Variants in BMPR1A observed in about 807,000 individuals in gnomAD.
The protein encoded by BMPR1A is bone morphogenetic protein receptor type-1A.
Under a neutral mutation model 66.0 loss-of-function variants are expected in BMPR1A, and 7 were observed. The observed-to-expected ratio is 0.11, with a 90% confidence interval of 0.06 to 0.20. BMPR1A has a LOEUF of 0.20. BMPR1A is among the 10% of genes least tolerant of loss of function. The pLI, the probability that BMPR1A is intolerant of heterozygous loss-of-function variation, is 1.00. For missense variants in BMPR1A, 408 were observed against 669.1 expected (o/e 0.61, Z 4.31); for synonymous variants, 200 against 229.7 (o/e 0.87, Z 1.17).
chr10:86,906,751 A>AAAAAAAAAAAAAAAAAAAAAC (rs1843397932), intron 7 of BMPR1A, among the ~76,000 whole-genome samples: 2 of 140,154 alleles, frequency 1.4e-5, no homozygotes. Context: ...AAAAAAAAAA[A>AAAAAAAAAAAAAAAAAAAAAC]AAAAAAAAAA....
rs1564685584 is a variant in BMPR1A, at chr10:86,790,215, AT to A, written c.-268+33297del. The stretch of plus-strand genomic sequence containing the variant: ...TATATATATATATATATATATATAT[AT>A]ATATATATATATATATATATCAAAA... On this transcript the variant is annotated intron_variant, in intron 1 of 12. Coordinates refer to ENST00000372037, the MANE Select transcript of BMPR1A (RefSeq NM_004329.3). Among the ~76,000 whole-genome samples the A allele has an allele frequency of 1.2e-3, 121 of 99,100 alleles. 30 individuals are homozygous for A. Among genetic ancestry groups the A allele is most frequent in the South Asian group, 5.7e-3 (15 of 2,654 alleles). 65.0% of individuals were successfully genotyped at this position (99,100 alleles called of 152,430 possible).
intron 2 of BMPR1A, among the ~76,000 whole-genome samples, chr10:86,852,899 T>G (rs1016661338): frequency 2.2e-4 from 34 of 152,184 alleles, no homozygotes; most frequent in Admixed American, 4.6e-4. Context: ...CTCTAGCTAA[T>G]AAATGTGATA....
intron 1 of BMPR1A, among the ~76,000 whole-genome samples, chr10:86,797,084 T>TTTTTTTTTTA: frequency 7.4e-6 from 1 of 135,002 alleles, no homozygotes; most frequent in South Asian, 2.2e-4. Flanking sequence ...TTTTTTTTTT[T>TTTTTTTTTTA]GAGACAGTCT....
At chr10:86,897,304 A>C (rs1028561885) in intron 5 of BMPR1A, among the ~76,000 whole-genome samples, 1 of 152,200 alleles carries the variant, frequency 6.6e-6, no homozygotes, top group South Asian at 2.1e-4. Context: ...GTACGGGTGG[A>C]GAGTGCAGGA....
At chr10:86,760,244 C>CCTTTTTTTTTTTTTTTTTTTTTTTTTT (rs1841026307) in intron 1 of BMPR1A, among the ~76,000 whole-genome samples, 2 of 27,826 alleles carry the variant, frequency 7.2e-5, no homozygotes, top group African/African-American at 2.6e-4. Context: ...TTCTTTCTTT[C>CCTTTTTTTTTTTTTTTTTTTTTTTTTT]TTTCTTTTTT....
intron 3 of BMPR1A, among the ~76,000 whole-genome samples, chr10:86,888,826 CAAAAA>C (rs11353145): frequency 2.3e-5 from 2 of 85,486 alleles, no homozygotes; most frequent in African/African-American, 7.2e-5. Context: ...GACCATGTCT[CAAAAA>C]AAAAAAAAAA....
chr10:86,920,140 T>A (rs1438412026), intron 10 of BMPR1A, among the ~76,000 whole-genome samples: 1 of 152,250 alleles, frequency 6.6e-6, no homozygotes, highest in East Asian at 1.9e-4. Context: ...AAAGGTTTTT[T>A]AATGAACATT....
At chr10:86,846,872 T>G (rs1199104606) in intron 2 of BMPR1A, among the ~76,000 whole-genome samples, 8 of 152,210 alleles carry the variant, frequency 5.3e-5, no homozygotes, top group Non-Finnish European at 1.0e-4. Context: ...CCATTCAGAC[T>G]GTCTCCTCTT....
chr10:86,887,095 A>G (rs1458203739), intron 3 of BMPR1A, among the ~76,000 whole-genome samples: 3 of 151,998 alleles, frequency 2.0e-5, no homozygotes, highest in African/African-American at 7.3e-5. Flanking sequence ...GGCCTCCCAA[A>G]GTGCTGGGAT....
rs1463894861 is a variant in BMPR1A at position 86,926,710 on chromosome 10, A to G, written c.*2991A>G. ...GTAAATTCGTAAAACCTTGGAAGCCATTATTTGGTCCCACTTGCAATTTAG... is the reference window on the plus strand; with the variant it reads ...GTAAATTCGTAAAACCTTGGAAGCCGTTATTTGGTCCCACTTGCAATTTAG... On this transcript the variant is annotated 3_prime_UTR_variant, in exon 13 of 13. Coordinates refer to ENST00000372037, the MANE Select transcript of BMPR1A (RefSeq NM_004329.3). The G allele has an allele frequency of 5.5e-6, 1 of 183,054 alleles. No homozygotes were observed. The highest frequency in any genetic ancestry group is 2.4e-5 in the African/African-American group (1 of 42,548). The allele number at this position is 183,054 out of a possible 1,614,324, so 11.3% of individuals were successfully genotyped here.
At position 86,875,887 on chromosome 10, in the gene BMPR1A, G is replaced by C. The variant is rs925256154; in HGVS notation, c.-132G>C. 6.5e-6 allele frequency: 5 copies of C among 774,380 alleles called. No individual in the cohort carries two copies. The highest frequency in any genetic ancestry group is 1.1e-5 in the Non-Finnish European group (5 of 437,260). 48.0% of individuals were successfully genotyped at this position (774,380 alleles called of 1,614,324 possible). A position where few individuals can be genotyped will look rare whatever the true frequency, so the allele number is the denominator to read the frequency against. Reference sequence around the variant, plus strand: ...TTCAGGAGTCGTAAGAAAGCAGTGGGAGTTGAAGTCATTGTCAAGTGCTTG... The same window carrying C: ...TTCAGGAGTCGTAAGAAAGCAGTGGCAGTTGAAGTCATTGTCAAGTGCTTG... On this transcript the variant is annotated 5_prime_UTR_variant, in exon 3 of 13. Transcript: ENST00000372037.
chr10:86,916,292 C>T (rs559413519), intron 8 of BMPR1A, among the ~76,000 whole-genome samples: 7 of 152,224 alleles, frequency 4.6e-5, no homozygotes, highest in Non-Finnish European at 1.0e-4. Context: ...AATAAACCAC[C>T]CCAAAACTTA....
intron 5 of BMPR1A, among the ~76,000 whole-genome samples, chr10:86,897,343 T>A (rs1281073500): frequency 6.6e-6 from 1 of 152,052 alleles, no homozygotes; most frequent in Non-Finnish European, 1.5e-5. Context: ...CCCAAATTCA[T>A]AATCTCGACA....
intron 1 of BMPR1A, among the ~76,000 whole-genome samples, chr10:86,837,247 C>CTGTGTGTGTGTGTGTCTGTG (rs566199959): frequency 0.043 from 5,987 of 138,104 alleles, 299 homozygotes; most frequent in African/African-American, 0.12. Context: ...GTGTGTGTGT[C>CTGTGTGTGTGTGTGTCTGTG]TGTGTGTGTG....
At chr10:86,864,309 A>T (rs1475587722) in intron 2 of BMPR1A, among the ~76,000 whole-genome samples, 1 of 152,132 alleles carries the variant, frequency 6.6e-6, no homozygotes, top group Non-Finnish European at 1.5e-5. Flanking sequence ...AAAAAAAGTT[A>T]TTCCACTAAT....
intron 1 of BMPR1A, among the ~76,000 whole-genome samples, chr10:86,800,927 T>C (rs1171194322): frequency 2.0e-5 from 3 of 152,160 alleles, no homozygotes; most frequent in South Asian, 2.1e-4. Context: ...GTGAGGAAAA[T>C]AATCTTCACG....
At chr10:86,789,726 C>A (rs7089780) in intron 1 of BMPR1A, among the ~76,000 whole-genome samples, 111,640 of 143,514 alleles carry the variant, frequency 0.78, 43,736 homozygotes, top group African/African-American at 0.89. Flanking sequence ...AAAAAAAAAA[C>A]AAACAAACAC....
intron 1 of BMPR1A, among the ~76,000 whole-genome samples, chr10:86,813,490 G>A (rs1410993690): frequency 6.6e-6 from 1 of 152,158 alleles, no homozygotes; most frequent in African/African-American, 2.4e-5. Context: ...ACTACCCTCG[G>A]AATCCTGGTT....
At chr10:86,893,616 G>A (rs560566264) in intron 5 of BMPR1A, among the ~76,000 whole-genome samples, 1 of 152,188 alleles carries the variant, frequency 6.6e-6, no homozygotes, top group East Asian at 1.9e-4. Flanking sequence ...GTGAAACTCC[G>A]TCTCTACTAA....
Sources: gnomAD v4.1 joint callset for allele counts (sites outside exome capture counted in the v4.1 genomes callset) on GRCh38, gnomAD v4.1.1 for gene constraint, MANE v1.5 for transcripts, NCBI Gene and HGNC (gene_info 2026-07-23, HGNC 2026-07-21) for gene names.